TRIM9: variants seen among roughly 807,000 people sequenced by gnomAD.
TRIM9 encodes E3 ubiquitin-protein ligase TRIM9.
Under a neutral mutation model 78.3 loss-of-function variants are expected in TRIM9, and 26 were observed. The observed-to-expected ratio is 0.33, with a 90% CI of 0.24 to 0.46. The LOEUF is 0.46. Ranked by LOEUF, TRIM9 falls within the 20% of genes least tolerant of loss-of-function variation. The probability of loss-of-function intolerance (pLI) is 1.00; values close to 1 mark genes in which losing one functional copy is unlikely to be tolerated. For synonymous variants in TRIM9, 398 were observed against 416.5 expected (o/e 0.96, Z 0.54); for missense variants, 787 against 1,036.4 (o/e 0.76, Z 3.30).
intron 1 of TRIM9, among the ~76,000 whole-genome samples, chr14:51,037,857 A>T (rs185802126): frequency 9.9e-5 from 15 of 152,174 alleles, no homozygotes; most frequent in Admixed American, 8.5e-4. Flanking sequence ...GGAGGGTAAA[A>T]GCCGTTCTTG....
intron 5 of TRIM9, among the ~76,000 whole-genome samples, chr14:51,002,903 A>G (rs777352138): frequency 7.2e-5 from 11 of 152,234 alleles, no homozygotes; most frequent in Non-Finnish European, 1.5e-4. Context: ...AGAAGAAATC[A>G]TGTTTTAAGC....
intron 5 of TRIM9, among the ~76,000 whole-genome samples, chr14:51,001,228 AT>A (rs34019183): frequency 0.42 from 55,188 of 130,386 alleles, 9,873 homozygotes; most frequent in South Asian, 0.52. Context: ...TGTGCTAATA[AT>A]TTTTTTTTTT....
Position 51,024,376 on chromosome 14 carries a change from C to CA in TRIM9, c.918+888dup, listed in dbSNP as rs201359496. On this transcript the variant is annotated intron_variant, in intron 2 of 12. Coordinates refer to ENST00000684578, the MANE Select transcript of TRIM9 (RefSeq NM_001387360.1). ...AAAAGTTTAACATGGGCATGTGTGC[C>CA]AAAAAAAAAGGCAAAGAAATCAGTG... Among the ~76,000 whole-genome samples the CA allele has an allele frequency of 4.3e-3, 645 of 149,100 alleles. 1 individual carries two copies. Among genetic ancestry groups the CA allele is most frequent in the Non-Finnish European group, 7.0e-3 (468 of 67,160 alleles).
At position 50,976,489 on chromosome 14, in the gene TRIM9, A is replaced by G. The variant is rs2051099790; in HGVS notation, c.*802T>C. ...CCACTGTGTCCCCACAGTGTCTAGAACATAATGTTCTAGTGTCTTGAACAG... is the reference window on the plus strand; with the variant it reads ...CCACTGTGTCCCCACAGTGTCTAGAGCATAATGTTCTAGTGTCTTGAACAG... On this transcript the variant is annotated 3_prime_UTR_variant, in exon 13 of 13. Coordinates refer to ENST00000684578, the MANE Select transcript of TRIM9 (RefSeq NM_001387360.1). 1 of 152,306 alleles carries G rather than the reference A, an allele frequency of 6.6e-6. No homozygotes were observed. Among genetic ancestry groups the G allele is most frequent in the Non-Finnish European group, 1.5e-5 (1 of 68,034 alleles). 9.4% of individuals were successfully genotyped at this position (152,306 alleles called of 1,614,324 possible).
At chr14:51,036,489 C>T (rs2059162880) in intron 1 of TRIM9, among the ~76,000 whole-genome samples, 1 of 152,126 alleles carries the variant, frequency 6.6e-6, no homozygotes, top group South Asian at 2.1e-4. Flanking sequence ...TTTACCAGCT[C>T]AACCAGAAAC....
chr14:50,984,771 T>C (rs1485391849), intron 8 of TRIM9, among the ~76,000 whole-genome samples: 1 of 152,196 alleles, frequency 6.6e-6, no homozygotes, highest in East Asian at 1.9e-4. Flanking sequence ...ACCCATCAAA[T>C]ATCCCAAAAC....
At chr14:51,030,304 C>A (rs905783496) in intron 1 of TRIM9, among the ~76,000 whole-genome samples, 12 of 152,236 alleles carry the variant, frequency 7.9e-5, no homozygotes, top group African/African-American at 2.9e-4. Flanking sequence ...GGAAACATTT[C>A]TATTCCTCCT....
chr14:50,996,968 G>A, intron 7 of TRIM9: 1 of 985,394 alleles, frequency 1.0e-6, no homozygotes, highest in Non-Finnish European at 1.2e-6. Context: ...ATTTTAGGGT[G>A]ACTGGCACAT....
chr14:51,011,359 A>G (rs1399157466), intron 3 of TRIM9, among the ~76,000 whole-genome samples: 1 of 152,194 alleles, frequency 6.6e-6, no homozygotes, highest in African/African-American at 2.4e-5. Context: ...GAATGCCTAT[A>G]TATTTTTTTA....
At chr14:51,040,010 C>T (rs1472338234) in intron 1 of TRIM9, among the ~76,000 whole-genome samples, 1 of 152,098 alleles carries the variant, frequency 6.6e-6, no homozygotes, top group East Asian at 1.9e-4. Flanking sequence ...GTCTCGATCT[C>T]CTGACCTCCT....
intron 1 of TRIM9, among the ~76,000 whole-genome samples, chr14:51,046,787 G>A (rs1313711763): frequency 6.6e-6 from 1 of 152,168 alleles, no homozygotes; most frequent in African/African-American, 2.4e-5. Flanking sequence ...TTCCTTCTTA[G>A]TAAAGTGGAA....
rs114278820 is a variant in TRIM9, at chr14:51,021,125, T to C, written c.1041+1710A>G. Among the ~76,000 whole-genome samples, 1,210 of 152,236 alleles carry C rather than the reference T, an allele frequency of 7.9e-3. 16 individuals carry two copies. The highest frequency in any genetic ancestry group is 0.027 in the African/African-American group (1,142 of 41,542). ...TTGAGGACTGCTATAACAATAAAAG[T>C]TTTGGGTTTCTGAAGGGTGCTCAGA... On this transcript the variant is annotated intron_variant, in intron 3 of 12. Transcript: ENST00000684578.
chr14:51,078,342 C>T, intron 1 of TRIM9, among the ~76,000 whole-genome samples: 1 of 152,072 alleles, frequency 6.6e-6, no homozygotes, highest in East Asian at 1.9e-4. Flanking sequence ...AATATTTATA[C>T]AAATTTTATA....
At chr14:51,023,077 T>C (rs777620530) in intron 2 of TRIM9, 120 bp from the exon 3 acceptor site, 94 of 1,341,980 alleles carry the variant, frequency 7.0e-5, no homozygotes, top group Non-Finnish European at 9.1e-5. Flanking sequence ...CAATGCACAT[T>C]TGGTAATTTT....
At chr14:51,070,280 A>G (rs2062104354) in intron 1 of TRIM9, among the ~76,000 whole-genome samples, 1 of 152,214 alleles carries the variant, frequency 6.6e-6, no homozygotes, top group African/African-American at 2.4e-5. Context: ...GTAATGAATG[A>G]ACAATATATA....
chr14:51,005,791 C>T (rs962807480), intron 5 of TRIM9, among the ~76,000 whole-genome samples: 3 of 152,240 alleles, frequency 2.0e-5, no homozygotes, highest in Admixed American at 6.5e-5. Flanking sequence ...AATCAAAATA[C>T]AACCAGAAAA....
chr14:50,995,611 CA>C (rs1199808092), intron 7 of TRIM9, among the ~76,000 whole-genome samples: 1 of 152,178 alleles, frequency 6.6e-6, no homozygotes. Flanking sequence ...CATGTGATTA[CA>C]AGTTAGACTT....
rs774825828 is a variant in TRIM9, at chr14:50,981,818, T to G, written c.2144A>C (p.Asn715Thr). The G allele has an allele frequency of 6.2e-7, 1 of 1,614,194 alleles. No homozygotes were observed. Residue 715 changes from asparagine (N) to threonine (T), a missense_variant, in exon 11 of 13, where the codon AAC (asparagine) becomes ACC (threonine). Physicochemically the swap from Asn to Thr is moderately conservative, Grantham distance 65. Transcript: ENST00000684578. ...VDNNRSWFMH[N>T]NSHTNRTEGG... ...AGGGTACCTGTTGGTGTGCGAGTTG[T>G]TGTGCATGAACCAGCTCCGGTTATT...
At chr14:50,984,603 T>C (rs1432107326) in intron 8 of TRIM9, among the ~76,000 whole-genome samples, 1 of 152,232 alleles carries the variant, frequency 6.6e-6, no homozygotes, top group African/African-American at 2.4e-5. Context: ...GGAAATAAGT[T>C]TGTAGAATCT....
Sources: allele counts gnomAD v4.1 joint callset (sites outside exome capture counted in the v4.1 genomes callset), GRCh38; gene constraint gnomAD v4.1.1; transcripts MANE v1.5; gene names NCBI Gene and HGNC (gene_info 2026-07-23, HGNC 2026-07-21).